Variants in GRHL2 observed in about 807,000 individuals in gnomAD.
The protein encoded by GRHL2 is grainyhead-like protein 2 homolog.
In GRHL2, 21 loss-of-function variants were observed where a neutral mutation model predicts 83.8. That is an observed-to-expected ratio of 0.25 (90% confidence interval 0.18 to 0.36). The LOEUF (loss-of-function observed/expected upper bound fraction) is 0.36. GRHL2 is among the 10% of genes least tolerant of loss of function. The pLI is 1.00. For synonymous variants in GRHL2, 280 were observed against 278.9 expected (o/e 1.00, Z -0.04); for missense variants, 623 against 781.8 (o/e 0.80, Z 2.42).
intron 1 of GRHL2, among the ~76,000 whole-genome samples, chr8:101,496,233 G>A (rs962941020): frequency 6.6e-6 from 1 of 151,186 alleles, no homozygotes; most frequent in Non-Finnish European, 1.5e-5. Flanking sequence ...CAGTCATTTT[G>A]TGTGTTTTTT....
intron 1 of GRHL2, among the ~76,000 whole-genome samples, chr8:101,501,635 G>A (rs927111480): frequency 6.6e-5 from 10 of 152,148 alleles, no homozygotes; most frequent in Non-Finnish European, 1.5e-4. Flanking sequence ...GCATGTGGCT[G>A]TTTGGCCTCC....
Position 101,577,460 on chromosome 8 carries a change from A to G in GRHL2, c.944A>G (p.Lys315Arg). Residue 315 changes from lysine to arginine, a missense_variant, in exon 7 of 16, where the codon AAA becomes AGA. Around this residue, in one of 8 missense-constraint regions of GRHL2, gnomAD observed 96 missense variants for 144.8 expected, o/e 0.66. Transcript: ENST00000646743. ...GACAAAAACAGAGATGAACAGCTCAAATACTGGAAATACTGGCACTCTCGG... is the reference window on the plus strand; with the variant it reads ...GACAAAAACAGAGATGAACAGCTCAGATACTGGAAATACTGGCACTCTCGG... ...SEDKNRDEQLKYWKYWHSRQH... is the reference protein window; with the variant it reads ...SEDKNRDEQLRYWKYWHSRQH... 6.2e-7 allele frequency: 1 copy of G among 1,614,152 alleles called. No individual in the cohort carries two copies. The highest frequency in any genetic ancestry group is 1.1e-5 in the South Asian group (1 of 91,058).
At chr8:101,625,291 A>T (rs1813059605) in intron 9 of GRHL2, among the ~76,000 whole-genome samples, 1 of 152,086 alleles carries the variant, frequency 6.6e-6, no homozygotes, top group Admixed American at 6.6e-5. Flanking sequence ...AAAGTGAGAG[A>T]CAGGGATTAA....
chr8:101,608,530 G>A (rs1476213625), intron 8 of GRHL2, among the ~76,000 whole-genome samples: 1 of 152,196 alleles, frequency 6.6e-6, no homozygotes, highest in African/African-American at 2.4e-5. Context: ...TACAAGGTAG[G>A]TAAGTGACAG....
intron 5 of GRHL2, 56 bp downstream of exon 5, chr8:101,570,450 G>A (rs1811799429): frequency 7.4e-7 from 1 of 1,350,628 alleles, no homozygotes; most frequent in Non-Finnish European, 1.1e-6. Flanking sequence ...ACCTTTAAAT[G>A]TACCTTCGAG....
intron 8 of GRHL2, among the ~76,000 whole-genome samples, chr8:101,618,143 C>T (rs922255528): frequency 1.3e-5 from 2 of 152,132 alleles, no homozygotes; most frequent in Non-Finnish European, 2.9e-5. Flanking sequence ...ACCATGTAAA[C>T]CTGGGTGCTA....
chr8:101,575,063 G>A (rs1811906052), intron 6 of GRHL2, among the ~76,000 whole-genome samples: 1 of 152,210 alleles, frequency 6.6e-6, no homozygotes, highest in Admixed American at 6.5e-5. Flanking sequence ...TTACTGTGAG[G>A]TTGTGCTGTG....
chr8:101,666,811 C>T lies in GRHL2; in HGVS notation c.*108C>T, dbSNP rs1814073970. 2.7e-6 allele frequency: 2 copies of T among 752,636 alleles called. No homozygotes were observed. The highest frequency in any genetic ancestry group is 4.8e-6 in the Non-Finnish European group (2 of 415,448). The allele number at this position is 752,636 out of a possible 1,614,324, so 46.6% of individuals were successfully genotyped here. ...GAGACCCATCTCCCCCATCTCACAA[C>T]TGCTGTTACAAGACCGTGCTGGGGA... On this transcript the variant is annotated 3_prime_UTR_variant, in exon 16 of 16. Coordinates refer to ENST00000646743, the MANE Select transcript of GRHL2 (RefSeq NM_024915.4).
At chr8:101,553,437 A>T (rs1811426991) in intron 3 of GRHL2, among the ~76,000 whole-genome samples, 2 of 152,164 alleles carry the variant, frequency 1.3e-5, no homozygotes, top group South Asian at 4.1e-4. Flanking sequence ...AGCTTGTAAC[A>T]TTTCAGTCCT....
In GRHL2 at chr8:101,668,000, C is replaced by G. The variant is rs933403002; in HGVS notation, c.*1297C>G. On this transcript the variant is annotated 3_prime_UTR_variant, in exon 16 of 16. Transcript: ENST00000646743. ...GAAAGGGGGTATTGTTTGCCTCACT[C>G]CTGGATGCTGCGTTTTAAGGAAGTG... 3 of 152,684 alleles carry G rather than the reference C, an allele frequency of 2.0e-5. No individual in the cohort carries two copies. Among genetic ancestry groups the G allele is most frequent in the Non-Finnish European group, 2.9e-5 (2 of 68,112 alleles). 9.5% of individuals were successfully genotyped at this position (152,684 alleles called of 1,614,324 possible).
intron 1 of GRHL2, among the ~76,000 whole-genome samples, chr8:101,498,514 G>A (rs1200829619): frequency 6.6e-6 from 1 of 152,102 alleles, no homozygotes; most frequent in Non-Finnish European, 1.5e-5. Context: ...GCTGGTCTCT[G>A]GTGAAATGAT....
chr8:101,533,326 T>C (rs1810977206), intron 1 of GRHL2, among the ~76,000 whole-genome samples: 1 of 152,226 alleles, frequency 6.6e-6, no homozygotes, highest in Non-Finnish European at 1.5e-5. Context: ...TATGAAAACC[T>C]GAAGAATGCA....
chr8:101,572,951 C>G (rs1163391216), intron 5 of GRHL2, among the ~76,000 whole-genome samples: 1 of 152,188 alleles, frequency 6.6e-6, no homozygotes, highest in Non-Finnish European at 1.5e-5. Context: ...AGTACGAAAG[C>G]AGTCATAGAC....
At chr8:101,634,640 G>A (rs1586159904) in intron 11 of GRHL2, among the ~76,000 whole-genome samples, 2 of 152,230 alleles carry the variant, frequency 1.3e-5, no homozygotes, top group Admixed American at 6.5e-5. Context: ...CTGCAATGCA[G>A]TTGTGCACAA....
At chr8:101,670,814 G>A (rs1409680049), downstream of GRHL2, among the ~76,000 whole-genome samples, 1 of 152,234 alleles carries the variant, frequency 6.6e-6, no homozygotes, top group Non-Finnish European at 1.5e-5. Context: ...ACCAGCTCTT[G>A]TCTCCCACTC....
chr8:101,515,915 G>A (rs1310942678), intron 1 of GRHL2, among the ~76,000 whole-genome samples: 3 of 152,164 alleles, frequency 2.0e-5, no homozygotes, highest in Admixed American at 6.5e-5. Flanking sequence ...CACTGTCCAT[G>A]GATAACTCAA....
intron 2 of GRHL2, among the ~76,000 whole-genome samples, chr8:101,544,467 C>CA (rs553773327): frequency 6.6e-6 from 1 of 152,114 alleles, no homozygotes; most frequent in African/African-American, 2.4e-5. Context: ...GGAAATCAAA[C>CA]AAAAACAATG....
chr8:101,509,219 G>C (rs1326589100), intron 1 of GRHL2, among the ~76,000 whole-genome samples: 7 of 53,584 alleles, frequency 1.3e-4, no homozygotes, highest in Non-Finnish European at 2.7e-4. Flanking sequence ...TTGTGTGTGT[G>C]TGTGTGTGTG....
At chr8:101,612,756 C>T (rs1812778300) in intron 8 of GRHL2, among the ~76,000 whole-genome samples, 1 of 150,796 alleles carries the variant, frequency 6.6e-6, no homozygotes. Flanking sequence ...AATAATTTAT[C>T]TTCTCTTAAG....
Sources: gnomAD v4.1 joint callset for allele counts (sites outside exome capture counted in the v4.1 genomes callset) on GRCh38, gnomAD v4.1.1 for gene constraint, gnomAD v4.1.1 regional missense constraint, MANE v1.5 for transcripts, NCBI Gene and HGNC (gene_info 2026-07-23, HGNC 2026-07-21) for gene names.